CLOCK: variants seen among roughly 807,000 people sequenced by gnomAD.
CLOCK encodes circadian locomoter output cycles protein kaput.
Under a neutral mutation model 118.4 loss-of-function variants are expected in CLOCK, and 43 were observed. The ratio of observed to expected loss-of-function variants is 0.36; its 90% CI spans 0.28 to 0.47. The LOEUF is 0.47. CLOCK is among the 20% of genes least tolerant of loss of function. The pLI, the probability that CLOCK is intolerant of heterozygous loss-of-function variation, is 1.00. For missense variants in CLOCK, 846 were observed against 999.9 expected (o/e 0.85, Z 2.08); for synonymous variants, 326 against 339.2 (o/e 0.96, Z 0.43).
At chr4:55,467,841 T>TA (rs1474994997) in intron 8 of CLOCK, among the ~76,000 whole-genome samples, 1 of 152,196 alleles carries the variant, frequency 6.6e-6, no homozygotes, top group Non-Finnish European at 1.5e-5. Flanking sequence ...GGGCTTATCC[T>TA]ACTATTTGAG....
intron 3 of CLOCK, 109 bp from the exon 4 acceptor site, chr4:55,482,937 T>C (rs957981248): frequency 3.8e-6 from 2 of 519,578 alleles, no homozygotes; most frequent in African/African-American, 3.9e-5. Flanking sequence ...AAACGTTTTG[T>C]TTGTACTGAA....
intron 19 of CLOCK, 139 bp downstream of exon 19, chr4:55,444,494 A>G: frequency 1.0e-6 from 1 of 956,418 alleles, no homozygotes; most frequent in Non-Finnish European, 1.7e-6. Flanking sequence ...CATACTGAGT[A>G]GGTAACCAGT....
intron 2 of CLOCK, among the ~76,000 whole-genome samples, chr4:55,492,357 T>A (rs200244543): frequency 3.9e-4 from 55 of 141,768 alleles, no homozygotes; most frequent in Admixed American, 7.1e-4. Flanking sequence ...CTATTCATGA[T>A]AAAAAAAAAA....
chr4:55,448,592 G>C (rs1051005396), intron 18 of CLOCK, among the ~76,000 whole-genome samples, 187 bp downstream of exon 18: 1 of 130,916 alleles, frequency 7.6e-6, no homozygotes, highest in East Asian at 2.1e-4. Context: ...GTGCGCGCGC[G>C]CACGCGCGCG....
intron 4 of CLOCK, among the ~76,000 whole-genome samples, chr4:55,481,278 T>C (rs918074381): frequency 2.6e-5 from 4 of 152,256 alleles, no homozygotes; most frequent in East Asian, 1.9e-4. Context: ...CTGAAATTTA[T>C]AAAAAATTGT....
intron 1 of CLOCK, among the ~76,000 whole-genome samples, chr4:55,516,507 A>T (rs779845482): frequency 2.5e-4 from 37 of 147,048 alleles, no homozygotes; most frequent in Non-Finnish European, 4.3e-4. Context: ...TCTGAAATTA[A>T]TATAGCTATT....
At chr4:55,501,952 C>T (rs189971640) in intron 2 of CLOCK, among the ~76,000 whole-genome samples, 10 of 152,136 alleles carry the variant, frequency 6.6e-5, no homozygotes, top group African/African-American at 2.2e-4. Flanking sequence ...GTATAAACTA[C>T]AAGGGCTTTT....
At chr4:55,485,846 C>G (rs1727263851) in intron 3 of CLOCK, among the ~76,000 whole-genome samples, 1 of 152,100 alleles carries the variant, frequency 6.6e-6, no homozygotes, top group Non-Finnish European at 1.5e-5. Context: ...ATCAAAACAT[C>G]TCATGTACCC....
At chr4:55,439,795 C>CT (rs1003911319) in intron 21 of CLOCK, among the ~76,000 whole-genome samples, 6 of 152,184 alleles carry the variant, frequency 3.9e-5, no homozygotes, top group African/African-American at 1.4e-4. Context: ...ATATGAGGTA[C>CT]TTAGACTAGT....
rs559447452 is a variant in CLOCK at position 55,506,538 on chromosome 4, T to G, written c.-136+3374A>C. ...TAAATCTTCCTATTCAAGAGTGGCT[T>G]TTTAGCATATGGTATTTATTTTATT... On this transcript the variant is annotated intron_variant, in intron 2 of 22. Coordinates refer to ENST00000513440, the MANE Select transcript of CLOCK (RefSeq NM_004898.4). 8.5e-5 allele frequency among the ~76,000 whole-genome samples: 13 copies of G among 152,200 alleles called. No homozygotes were observed. In the East Asian group the frequency reaches 2.5e-3, roughly 29 times the overall value.
intron 18 of CLOCK, 55 bp from the exon 19 acceptor site, chr4:55,444,840 A>T: frequency 1.1e-5 from 17 of 1,543,344 alleles, no homozygotes; most frequent in Middle Eastern, 1.7e-4. Flanking sequence ...CTTACTCCTT[A>T]TAATTGCACA....
intron 9 of CLOCK, among the ~76,000 whole-genome samples, chr4:55,461,953 T>C (rs1267000293): frequency 6.6e-6 from 1 of 152,220 alleles, no homozygotes; most frequent in East Asian, 1.9e-4. Context: ...CTGTACAACC[T>C]CAACTTCATT....
At chr4:55,496,037 A>C (rs1281976306) in intron 2 of CLOCK, among the ~76,000 whole-genome samples, 1 of 152,068 alleles carries the variant, frequency 6.6e-6, no homozygotes, top group Non-Finnish European at 1.5e-5. Context: ...AAAAATACAA[A>C]AATTAGCCGG....
At chr4:55,499,390 G>C (rs1161916189) in intron 2 of CLOCK, among the ~76,000 whole-genome samples, 4 of 152,152 alleles carry the variant, frequency 2.6e-5, no homozygotes, top group Non-Finnish European at 5.9e-5. Flanking sequence ...ATGGTTTCTG[G>C]ACAAAACTGT....
intron 20 of CLOCK, among the ~76,000 whole-genome samples, chr4:55,443,215 CCTGTAATCCCAG>C (rs1723515177): frequency 6.6e-6 from 1 of 152,100 alleles, no homozygotes; most frequent in Admixed American, 6.6e-5. Flanking sequence ...GTGGCTCACA[CCTGTAATCCCAG>C]CACTTTGGGA....
Position 55,460,170 on chromosome 4 carries a change from T to C in CLOCK, c.560-909A>G, listed in dbSNP as rs114548101. Among the ~76,000 whole-genome samples the C allele has an allele frequency of 3.7e-3, 557 of 152,292 alleles. 3 individuals carry two copies. Among genetic ancestry groups the C allele is most frequent in the African/African-American group, 0.013 (530 of 41,560 alleles). On this transcript the variant is annotated intron_variant, in intron 9 of 22. Transcript: ENST00000513440. ...CATTTGTATCGTTAACTTCAATGAT[T>C]TTTCATTTCCACTTCTTAAAAGTCA...
chr4:55,525,973 G>GA (rs1471569292), intron 1 of CLOCK, among the ~76,000 whole-genome samples: 1 of 151,644 alleles, frequency 6.6e-6, no homozygotes, highest in South Asian at 2.1e-4. Flanking sequence ...CAAAAATCCA[G>GA]AATCTGAAAT....
At chr4:55,444,214 A>C (rs1455289595) in intron 19 of CLOCK, among the ~76,000 whole-genome samples, 1 of 152,208 alleles carries the variant, frequency 6.6e-6, no homozygotes, top group Non-Finnish European at 1.5e-5. Flanking sequence ...CCTTTACCAA[A>C]GTCATAGTCT....
At position 55,428,613 on chromosome 4, in the gene CLOCK, A is replaced by T. The variant is rs1722332769; in HGVS notation, c.*6802T>A. ...GCCGTTTTTAGCTCCACCGTTTTGG[A>T]AGTAAAAATGATGAGCTACATCTAC... is the stretch of plus-strand genomic sequence containing the variant. On this transcript the variant is annotated 3_prime_UTR_variant, in exon 23 of 23. Coordinates refer to ENST00000513440, the MANE Select transcript of CLOCK (RefSeq NM_004898.4). The T allele has an allele frequency of 6.6e-6, 1 of 152,172 alleles. No individual in the cohort carries two copies. The highest frequency in any genetic ancestry group is 6.5e-5 in the Admixed American group (1 of 15,278). The allele number at this position is 152,172 out of a possible 1,614,324, so 9.4% of individuals were successfully genotyped here. A position where few individuals can be genotyped will look rare whatever the true frequency, so the allele number is the denominator to read the frequency against.
Sources: gnomAD v4.1 joint callset for allele counts (sites outside exome capture counted in the v4.1 genomes callset) on GRCh38, gnomAD v4.1.1 for gene constraint, MANE v1.5 for transcripts, NCBI Gene and HGNC (gene_info 2026-07-23, HGNC 2026-07-21) for gene names.